Variants in PDCD10 observed in about 807,000 individuals in gnomAD.
PDCD10 encodes programmed cell death protein 10.
A neutral mutation model predicts 29.2 loss-of-function variants in PDCD10; 4 were observed. The observed-to-expected ratio is 0.14, with a 90% CI of 0.07 to 0.31. The LOEUF (loss-of-function observed/expected upper bound fraction) is 0.31, where lower values mean the gene tolerates loss of function less well. Ranked by LOEUF, PDCD10 falls within the 10% of genes least tolerant of loss-of-function variation. The pLI is 1.00. For missense variants in PDCD10, 183 were observed against 257.9 expected (o/e 0.71, Z 1.99); for synonymous variants, 70 against 82.2 (o/e 0.85, Z 0.80).
intron 6 of PDCD10, chr3:167,694,390 T>A (rs909930810): frequency 3.9e-5 from 7 of 177,226 alleles, no homozygotes; most frequent in African/African-American, 1.7e-4. Context: ...GAGGCTGGAC[T>A]CTCTTCAGTT....
At chr3:167,688,676 C>G (rs1719908013) in intron 6 of PDCD10, among the ~76,000 whole-genome samples, 1 of 152,138 alleles carries the variant, frequency 6.6e-6, no homozygotes, top group East Asian at 1.9e-4. Flanking sequence ...TTTTCACAGT[C>G]ATTCTCTTAG....
At chr3:167,691,590 G>A (rs1246379877) in intron 6 of PDCD10, among the ~76,000 whole-genome samples, 3 of 152,184 alleles carry the variant, frequency 2.0e-5, no homozygotes, top group Non-Finnish European at 2.9e-5. Context: ...GGACTCTGTA[G>A]GGGGAAAGAG....
intron 4 of PDCD10, among the ~76,000 whole-genome samples, chr3:167,702,185 A>G (rs865889852): frequency 1.3e-5 from 2 of 152,312 alleles, no homozygotes; most frequent in Middle Eastern, 6.8e-3. Context: ...GTAAAGTTAC[A>G]CTAAGTGTGC....
intron 2 of PDCD10, among the ~76,000 whole-genome samples, chr3:167,732,006 G>A (rs1280472479): frequency 6.6e-6 from 1 of 152,190 alleles, no homozygotes; most frequent in East Asian, 1.9e-4. Context: ...CATGGTAAAT[G>A]AGAAAGGCTG....
At chr3:167,702,993 A>G (rs959316739) in intron 4 of PDCD10, among the ~76,000 whole-genome samples, 5 of 152,172 alleles carry the variant, frequency 3.3e-5, no homozygotes, top group African/African-American at 9.7e-5. Flanking sequence ...TTAGATAATT[A>G]GCTTATATGT....
chr3:167,699,487 T>A (rs1721155320), intron 4 of PDCD10, among the ~76,000 whole-genome samples: 1 of 152,218 alleles, frequency 6.6e-6, no homozygotes, highest in Admixed American at 6.5e-5. Context: ...CTGGTTAAGC[T>A]AATTCTTATT....
Position 167,695,617 on chromosome 3 carries a change from A to T in PDCD10, c.374T>A (p.Val125Glu), listed in dbSNP as rs1399693030. ...TTACTTGATTGTCTGCAGAAACCTC[A>T]CTCTGTCATTGATCTCATCTGGGAT... ...SKIPDEINDR[V>E]RFLQTIKDIA... Residue 125 changes from valine (V) to glutamate (E), a missense_variant, in exon 6 of 9, where the codon GTG becomes GAG. By Grantham distance (121) the Val-to-Glu change is moderately radical. Coordinates refer to ENST00000392750, the MANE Select transcript of PDCD10 (RefSeq NM_007217.4). 2 of 1,613,256 alleles carry T rather than the reference A, an allele frequency of 1.2e-6. No homozygotes were observed. Among genetic ancestry groups the T allele is most frequent in the Admixed American group, 3.3e-5 (2 of 60,012 alleles).
In PDCD10 at chr3:167,715,328, A is replaced by G. The variant is rs145227985; in HGVS notation, c.96+4734T>C. ...ATGAAACTACTACAGGAAAACATCC[A>G]CAAAACTCTCCAGAACAATAGTGTG... On this transcript the variant is annotated intron_variant, in intron 3 of 8. Transcript: ENST00000392750. Among the ~76,000 whole-genome samples, 1,111 of 152,022 alleles carry G rather than the reference A, an allele frequency of 7.3e-3. 21 individuals carry two copies. Among genetic ancestry groups the G allele is most frequent in the Non-Finnish European group, 7.6e-3 (515 of 67,810 alleles).
chr3:167,685,691 C>T (rs1220099329), intron 8 of PDCD10, among the ~76,000 whole-genome samples: 1 of 152,084 alleles, frequency 6.6e-6, no homozygotes, highest in African/African-American at 2.4e-5. Context: ...TTTCATTGTG[C>T]TTATTCCATA....
At chr3:167,714,215 C>G (rs183837007) in intron 3 of PDCD10, among the ~76,000 whole-genome samples, 1 of 151,984 alleles carries the variant, frequency 6.6e-6, no homozygotes. Flanking sequence ...TATCCCAGGA[C>G]GCAAGGATGG....
chr3:167,715,920 G>T (rs956199055), intron 3 of PDCD10, among the ~76,000 whole-genome samples: 1 of 151,926 alleles, frequency 6.6e-6, no homozygotes, highest in African/African-American at 2.4e-5. Context: ...CCAATGCTGG[G>T]TATATAGCCA....
At chr3:167,714,841 T>C (rs1016266962) in intron 3 of PDCD10, among the ~76,000 whole-genome samples, 3 of 151,924 alleles carry the variant, frequency 2.0e-5, no homozygotes, top group African/African-American at 7.2e-5. Context: ...GAATCAATAT[T>C]GTTAAAATGC....
chr3:167,704,512 G>A (rs1488976782), intron 4 of PDCD10: 1 of 220,744 alleles, frequency 4.5e-6, no homozygotes, highest in African/African-American at 2.4e-5. Flanking sequence ...ACAGGTATGA[G>A]TCACCACGCC....
intron 2 of PDCD10, among the ~76,000 whole-genome samples, chr3:167,724,112 A>T (rs1217801199): frequency 6.6e-6 from 1 of 152,224 alleles, no homozygotes; most frequent in East Asian, 1.9e-4. Context: ...GCTCAGAATC[A>T]GTATTTCCTG....
intron 6 of PDCD10, among the ~76,000 whole-genome samples, chr3:167,691,406 T>G (rs780947247): frequency 4.6e-5 from 7 of 152,194 alleles, no homozygotes; most frequent in South Asian, 2.1e-4. Context: ...AAAACAGAAC[T>G]GAAGTATTAT....
intron 8 of PDCD10, among the ~76,000 whole-genome samples, chr3:167,685,608 G>A (rs978587613): frequency 1.3e-5 from 2 of 152,048 alleles, no homozygotes; most frequent in African/African-American, 4.8e-5. Context: ...TAGTAGCAAC[G>A]ACACTGAATC....
chr3:167,708,945 ACAC>A (rs150158278), intron 3 of PDCD10, among the ~76,000 whole-genome samples: 1,862 of 152,338 alleles, frequency 0.012, 25 homozygotes, highest in Non-Finnish European at 0.019. Flanking sequence ...ATAGTGAAGT[ACAC>A]CACTGTTTAT....
At chr3:167,705,427 C>T (rs1285849134) in intron 3 of PDCD10, among the ~76,000 whole-genome samples, 1 of 152,098 alleles carries the variant, frequency 6.6e-6, no homozygotes, top group Non-Finnish European at 1.5e-5. Flanking sequence ...TATAATATTT[C>T]TACACAAACC....
chr3:167,711,683 G>A (rs1450596514), intron 3 of PDCD10, among the ~76,000 whole-genome samples: 1 of 152,092 alleles, frequency 6.6e-6, no homozygotes, highest in Non-Finnish European at 1.5e-5. Context: ...AGAACACCAA[G>A]AAGATTTAAT....
Sources: allele counts gnomAD v4.1 joint callset (sites outside exome capture counted in the v4.1 genomes callset), GRCh38; gene constraint gnomAD v4.1.1; transcripts MANE v1.5; gene names NCBI Gene and HGNC (gene_info 2026-07-23, HGNC 2026-07-21).